Variants in TLN2 observed in about 807,000 individuals in gnomAD.
TLN2 encodes talin-2.
In TLN2, 118 loss-of-function variants were observed where a neutral mutation model predicts 294.7. The observed-to-expected ratio is 0.40, with a 90% CI of 0.34 to 0.47. The LOEUF (loss-of-function observed/expected upper bound fraction) is 0.47. Among genes scored for constraint, TLN2 ranks in the 20% least tolerant of loss-of-function variants. The pLI is 0.84. For missense variants in TLN2, 3,083 were observed against 3,282.2 expected, an observed-to-expected ratio of 0.94 and a Z score of 1.48; for synonymous variants, 1,431 against 1,304.5, an observed-to-expected ratio of 1.10 and a Z score of -2.09.
At chr15:62,466,024 C>G (rs1432881015) in intron 1 of TLN2, among the ~76,000 whole-genome samples, 1 of 152,186 alleles carries the variant, frequency 6.6e-6, no homozygotes, top group Non-Finnish European at 1.5e-5. Flanking sequence ...TTGCTTTTAG[C>G]ATTGCTCCCT....
intron 1 of TLN2, among the ~76,000 whole-genome samples, chr15:62,510,097 A>G (rs1291659567): frequency 2.6e-5 from 4 of 152,182 alleles, no homozygotes; most frequent in African/African-American, 4.8e-5. Flanking sequence ...GGGGTTTGTT[A>G]CTGGCAGCCT....
intron 1 of TLN2, among the ~76,000 whole-genome samples, chr15:62,567,623 G>T (rs12902262): frequency 0.2 from 29,746 of 152,010 alleles, 3,543 homozygotes; most frequent in East Asian, 0.53. Context: ...TCACTTGAGG[G>T]CAGGAGTTTG....
intron 23 of TLN2, 89 bp downstream of exon 23, chr15:62,716,548 A>G (rs2059784239): frequency 1.4e-6 from 2 of 1,450,254 alleles, no homozygotes; most frequent in East Asian, 2.5e-5. Flanking sequence ...GGTGTTGACA[A>G]TATAAAGAAA....
chr15:62,825,867 T>TA (rs1312943478), intron 54 of TLN2, among the ~76,000 whole-genome samples: 16 of 98,552 alleles, frequency 1.6e-4, no homozygotes, highest in African/African-American at 5.0e-4. Flanking sequence ...TATATATATA[T>TA]TTATATATAT....
At chr15:62,720,306 A>G (rs543337670) in intron 25 of TLN2, among the ~76,000 whole-genome samples, 3 of 152,324 alleles carry the variant, frequency 2.0e-5, no homozygotes, top group African/African-American at 4.8e-5. Context: ...CTTTGTGGCA[A>G]TTGTACAGTT....
intron 37 of TLN2, among the ~76,000 whole-genome samples, chr15:62,758,396 G>A (rs1299529035): frequency 6.6e-6 from 1 of 152,226 alleles, no homozygotes; most frequent in East Asian, 1.9e-4. Flanking sequence ...CACATACGCT[G>A]TTGCCTGCCT....
In TLN2 at chr15:62,797,209, G is replaced by A. The variant is rs1042642417; in HGVS notation, c.6051-10G>A. On this transcript the variant is annotated splice_polypyrimidine_tract_variant and intron_variant, in intron 47 of 58. Coordinates refer to ENST00000636159, the MANE Select transcript of TLN2 (RefSeq NM_015059.3). ...TCTCCCCCTCTCCCCTGCCCTCCTG[G>A]CTCTCTCAGGGAGAACATTCTCAAG... 3 of 1,613,964 alleles carry A rather than the reference G, an allele frequency of 1.9e-6. No homozygotes were observed. The highest frequency in any genetic ancestry group is 1.7e-5 in the Admixed American group (1 of 60,012).
At chr15:62,697,098 C>T (rs1595699954) in intron 14 of TLN2, among the ~76,000 whole-genome samples, 1 of 152,156 alleles carries the variant, frequency 6.6e-6, no homozygotes, top group African/African-American at 2.4e-5. Flanking sequence ...TTATGGGAAT[C>T]TCTGTGTTGT....
chr15:62,766,289 T>G, intron 40 of TLN2, 32 bp from the exon 41 acceptor site: 1 of 1,589,312 alleles, frequency 6.3e-7, no homozygotes, highest in Non-Finnish European at 8.6e-7. Flanking sequence ...GGAGCTGTTA[T>G]GGGATGAACT....
At position 62,740,663 on chromosome 15, in the gene TLN2, C is replaced by A. The variant is rs1264441756; in HGVS notation, c.3919C>A (p.Leu1307Ile). The A allele has an allele frequency of 2.5e-6, 4 of 1,614,094 alleles. No individual in the cohort carries two copies. The highest frequency in any genetic ancestry group is 1.7e-6 in the Non-Finnish European group (2 of 1,180,050). The change falls in exon 32 of 59, where the codon CTC becomes ATC. Residue 1307 changes from leucine to isoleucine, a missense_variant. Transcript: ENST00000636159. ...KEDQIQVIGN[L>I]KNISMASSKL... ...AGACCAGATCCAAGTGATAGGGAACCTCAAGAATATCTCGATGGCATCCAG... is the reference window on the plus strand; with the variant it reads ...AGACCAGATCCAAGTGATAGGGAACATCAAGAATATCTCGATGGCATCCAG...
intron 1 of TLN2, among the ~76,000 whole-genome samples, chr15:62,442,311 A>G (rs1377880103): frequency 2.0e-5 from 3 of 151,900 alleles, no homozygotes; most frequent in African/African-American, 4.8e-5. Flanking sequence ...CCTGGCCAAC[A>G]TGGTGAAACC....
At chr15:62,520,390 A>G (rs1387928742) in intron 1 of TLN2, among the ~76,000 whole-genome samples, 2 of 152,194 alleles carry the variant, frequency 1.3e-5, no homozygotes, top group Non-Finnish European at 1.5e-5. Context: ...AGAGCCTGCA[A>G]TTTACCCCTG....
intron 1 of TLN2, among the ~76,000 whole-genome samples, chr15:62,446,648 A>G (rs1447869993): frequency 7.1e-6 from 1 of 141,384 alleles, no homozygotes; most frequent in African/African-American, 2.5e-5. Context: ...ATGGAACTTT[A>G]CCTGATCGCT....
intron 40 of TLN2, among the ~76,000 whole-genome samples, chr15:62,765,522 C>T (rs535758211): frequency 1.1e-4 from 17 of 152,232 alleles, no homozygotes; most frequent in East Asian, 1.9e-4. Flanking sequence ...TGTGTGCAGA[C>T]GTAAAACGCC....
chr15:62,429,253 G>A (rs973130319), intron 1 of TLN2, among the ~76,000 whole-genome samples: 2 of 152,130 alleles, frequency 1.3e-5, no homozygotes, highest in African/African-American at 4.8e-5. Context: ...GGCCTGTGTG[G>A]TTGGATGGTT....
chr15:62,833,819 T>G (rs943560999), intron 55 of TLN2, 190 bp downstream of exon 55: 1 of 714,892 alleles, frequency 1.4e-6, no homozygotes, highest in Non-Finnish European at 2.1e-6. Context: ...GAGGTTTGGC[T>G]TCTGGGCCTC....
intron 20 of TLN2, 134 bp from the exon 21 acceptor site, chr15:62,708,368 G>C (rs548446273): frequency 2.4e-6 from 2 of 849,370 alleles, no homozygotes; most frequent in Admixed American, 2.3e-5. Context: ...AGGTAAGTAA[G>C]AAACCGAGCA....
chr15:62,492,599 C>G (rs2038807668), intron 1 of TLN2, among the ~76,000 whole-genome samples: 1 of 150,496 alleles, frequency 6.6e-6, no homozygotes, highest in South Asian at 2.1e-4. Context: ...ATCCCAATGT[C>G]TAGAGATAGT....
At chr15:62,594,397 A>G (rs2046317163) in intron 2 of TLN2, among the ~76,000 whole-genome samples, 1 of 152,042 alleles carries the variant, frequency 6.6e-6, no homozygotes. Context: ...TTGGAGAGAG[A>G]GGGTCTCCCT....
Sources: gnomAD v4.1 joint callset for allele counts (sites outside exome capture counted in the v4.1 genomes callset) on GRCh38, gnomAD v4.1.1 for gene constraint, MANE v1.5 for transcripts, NCBI Gene and HGNC (gene_info 2026-07-23, HGNC 2026-07-21) for gene names.